The following HMGB1 variants were observed in gnomAD, a reference collection of about 807,000 sequenced individuals.
HMGB1 encodes high mobility group protein B1.
For missense variants in HMGB1, 79 were observed against 253.5 expected (o/e 0.31, Z 4.67); for synonymous variants, 81 against 84.0 (o/e 0.96, Z 0.19).
At chr13:30,526,848 T>C (rs1422050215) in intron 1 of HMGB1, among the ~76,000 whole-genome samples, 2 of 152,242 alleles carry the variant, frequency 1.3e-5, no homozygotes, top group Non-Finnish European at 2.9e-5. Context: ...CTTGCTGTTA[T>C]CCACAAGTGT....
intron 1 of HMGB1, among the ~76,000 whole-genome samples, chr13:30,607,308 G>T (rs2137570681): frequency 6.6e-6 from 1 of 152,306 alleles, no homozygotes; most frequent in South Asian, 2.1e-4. Flanking sequence ...ATCTTGAATT[G>T]TAATCCCCAC....
At chr13:30,571,351 G>A (rs1437448762) in intron 1 of HMGB1, among the ~76,000 whole-genome samples, 1 of 150,482 alleles carries the variant, frequency 6.6e-6, no homozygotes. Flanking sequence ...CTGGAGTGCA[G>A]TGGCGCAATC....
At position 30,575,726 on chromosome 13, in the gene HMGB1, T is replaced by C. The variant is rs564844696; in HGVS notation, c.-15+40945A>G. 2.6e-5 allele frequency among the ~76,000 whole-genome samples: 4 copies of C among 152,232 alleles called. No individual in the cohort carries two copies. In the East Asian group the frequency reaches 7.7e-4, roughly 29 times the overall value. On this transcript the variant is annotated intron_variant, in intron 1 of 4. Transcript: ENST00000405805. ...TATCTAATGTGGGGTTAGTCAATGA[T>C]AGGAAAAAAACATAAGACAGAGTCA...
chr13:30,468,595 T>C (rs142783241), upstream of HMGB1, among the ~76,000 whole-genome samples: 11 of 152,268 alleles, frequency 7.2e-5, no homozygotes, highest in African/African-American at 2.4e-4. Flanking sequence ...ACAATGCTAA[T>C]CTTCCCCTAG....
chr13:30,507,035 CTTG>C (rs1220444708), intron 1 of HMGB1, among the ~76,000 whole-genome samples: 2 of 152,212 alleles, frequency 1.3e-5, no homozygotes. Flanking sequence ...TGCTTGCCTC[CTTG>C]TTGTTCATAT....
chr13:30,605,885 T>A (rs1337451112), intron 1 of HMGB1, among the ~76,000 whole-genome samples: 1 of 152,224 alleles, frequency 6.6e-6, no homozygotes, highest in African/African-American at 2.4e-5. Flanking sequence ...TGTTTGAGGA[T>A]AACTTCCCCT....
chr13:30,564,223 A>G lies in HMGB1; in HGVS notation c.-15+52448T>C, dbSNP rs577794908. Among the ~76,000 whole-genome samples, 3 of 149,750 alleles carry G rather than the reference A, an allele frequency of 2.0e-5. No individual in the cohort carries two copies. The South Asian group carries it at 6.3e-4, about 32-fold the overall frequency. On this transcript the variant is annotated intron_variant, in intron 1 of 4. Transcript: ENST00000405805. ...CGCGGTGAGCGGATTGCTTGAGCCC[A>G]GGAGTTCAAGACCAGGCTGGGCAAC...
intron 1 of HMGB1, among the ~76,000 whole-genome samples, chr13:30,480,947 A>C (rs563147883): frequency 6.6e-6 from 1 of 151,808 alleles, no homozygotes; most frequent in Non-Finnish European, 1.5e-5. Flanking sequence ...CATCCCAAGC[A>C]GAAGAATGGA....
chr13:30,526,828 C>T (rs1013014916), intron 1 of HMGB1, among the ~76,000 whole-genome samples: 3 of 152,256 alleles, frequency 2.0e-5, no homozygotes, highest in Admixed American at 1.3e-4. Flanking sequence ...GTCTGTGTGT[C>T]TTTATTTCTC....
At chr13:30,468,446 G>T (rs1441431610), upstream of HMGB1, among the ~76,000 whole-genome samples, 1 of 152,086 alleles carries the variant, frequency 6.6e-6, no homozygotes, top group Non-Finnish European at 1.5e-5. Context: ...TAGAGACGGG[G>T]TTTCACCATG....
chr13:30,467,886 G>C (rs997434401), upstream of HMGB1, among the ~76,000 whole-genome samples: 11 of 152,254 alleles, frequency 7.2e-5, no homozygotes, highest in South Asian at 2.1e-4. Context: ...CTCCTGCCAG[G>C]GTGCATTTAT....
chr13:30,562,421 T>C (rs1172969736), intron 1 of HMGB1, among the ~76,000 whole-genome samples: 1 of 152,058 alleles, frequency 6.6e-6, no homozygotes, highest in Non-Finnish European at 1.5e-5. Context: ...CTCAGGTTTA[T>C]AAAATTTATA....
chr13:30,512,979 G>A (rs55972812), intron 1 of HMGB1, among the ~76,000 whole-genome samples: 15,151 of 152,050 alleles, frequency 0.1, 1,126 homozygotes, highest in African/African-American at 0.19. Flanking sequence ...CCTGGCCAAC[G>A]TGGTGAAACC....
intron 1 of HMGB1, among the ~76,000 whole-genome samples, chr13:30,595,013 G>GT (rs1345776525): frequency 2.0e-5 from 3 of 151,700 alleles, no homozygotes; most frequent in Non-Finnish European, 4.4e-5. Flanking sequence ...TCTTTGTGTT[G>GT]TTTTTTTAAC....
intron 1 of HMGB1, among the ~76,000 whole-genome samples, chr13:30,575,903 T>TA (rs1870635364): frequency 1.3e-5 from 2 of 151,862 alleles, no homozygotes; most frequent in African/African-American, 2.4e-5. Context: ...ACCCTGTCTC[T>TA]AAAAAAAATT....
At chr13:30,505,323 T>C (rs562606557) in intron 1 of HMGB1, among the ~76,000 whole-genome samples, 53 of 152,032 alleles carry the variant, frequency 3.5e-4, no homozygotes, top group Admixed American at 5.2e-4. Flanking sequence ...GGATTACAGG[T>C]GCGTGCCACC....
chr13:30,589,450 G>T (rs950201542), intron 1 of HMGB1, among the ~76,000 whole-genome samples: 1 of 152,226 alleles, frequency 6.6e-6, no homozygotes, highest in African/African-American at 2.4e-5. Flanking sequence ...TATATTTAGA[G>T]TGAAGTAGAT....
intron 1 of HMGB1, chr13:30,464,819 G>A (rs1886640938): frequency 1.9e-5 from 3 of 160,618 alleles, no homozygotes; most frequent in East Asian, 4.2e-4. Context: ...GAGGGTGCGG[G>A]CGCGGCGGCG....
intron 1 of HMGB1, among the ~76,000 whole-genome samples, chr13:30,586,643 T>C (rs541345049): frequency 6.6e-6 from 1 of 152,120 alleles, no homozygotes; most frequent in African/African-American, 2.4e-5. Context: ...TGTGCCACCA[T>C]ACCCAGCTAA....
Sources: allele counts gnomAD v4.1 joint callset (sites outside exome capture counted in the v4.1 genomes callset), GRCh38; gene constraint gnomAD v4.1.1; transcripts MANE v1.5; gene names NCBI Gene and HGNC (gene_info 2026-07-23, HGNC 2026-07-21).